Variants in VGLL2 observed in about 807,000 individuals in gnomAD.
The protein encoded by VGLL2 is vestigial like family member 2.
VGLL2 carries 18 observed loss-of-function variants against 27.0 expected under a neutral mutation model. That is an observed-to-expected ratio of 0.67 (90% CI 0.46 to 0.99). The LOEUF (loss-of-function observed/expected upper bound fraction) is 0.99, where lower values mean the gene tolerates loss of function less well. Among genes scored for constraint, VGLL2 ranks in the 50% least tolerant of loss-of-function variants. The pLI, the probability that VGLL2 is intolerant of heterozygous loss-of-function variation, is 0.00. For missense variants in VGLL2, 491 were observed against 452.3 expected (o/e 1.09, Z -0.78); for synonymous variants, 220 against 201.1 (o/e 1.09, Z -0.80).
chr6:117,265,943 G>C (rs916700916), intron 1 of VGLL2, 99 bp downstream of exon 1: 2 of 1,179,718 alleles, frequency 1.7e-6, no homozygotes, highest in African/African-American at 1.5e-5. Flanking sequence ...CGCGCGTCTC[G>C]GGCGTCCGAC....
chr6:117,267,931 T>G (rs1181539498), intron 1 of VGLL2, among the ~76,000 whole-genome samples: 2 of 152,098 alleles, frequency 1.3e-5, no homozygotes, highest in African/African-American at 4.8e-5. Flanking sequence ...TAGGAGAAAT[T>G]TTCTAGGAGT....
At chr6:117,270,475 T>A in intron 2 of VGLL2, 68 bp from the exon 3 acceptor site, 1 of 1,487,588 alleles carries the variant, frequency 6.7e-7, no homozygotes. Flanking sequence ...AGGTCGGCGC[T>A]GAGTCCAGCC....
At position 117,270,803 on chromosome 6, in the gene VGLL2, G is replaced by A; in HGVS notation, c.652G>A (p.Ala218Thr). ...CCTGGGCGGCGCCCTCGGCGCCCAG[G>A]CCGCCCCCTACCCGCGCCCCGCCGC... ...YALGGALGAQ[A>T]APYPRPAAVH... The change falls in exon 3 of 4, where the codon GCC becomes ACC. Residue 218 changes from alanine (A) to threonine (T), a missense_variant. Physicochemically the swap from Ala to Thr is moderately conservative, Grantham distance 58. Coordinates refer to ENST00000326274, the MANE Select transcript of VGLL2 (RefSeq NM_182645.3). 1 of 1,439,440 alleles carries A rather than the reference G, an allele frequency of 6.9e-7. No individual in the cohort carries two copies. The highest frequency in any genetic ancestry group is 9.1e-7 in the Non-Finnish European group (1 of 1,100,524). 89.2% of individuals were successfully genotyped at this position (1,439,440 alleles called of 1,614,324 possible).
intron 2 of VGLL2, among the ~76,000 whole-genome samples, chr6:117,270,146 G>C (rs987933801): frequency 6.6e-6 from 1 of 152,076 alleles, no homozygotes; most frequent in African/African-American, 2.4e-5. Context: ...GGCTAGGAAA[G>C]GGAGGCCGTG....
In VGLL2 at chr6:117,268,452, A is replaced by T; in HGVS notation, c.352A>T (p.Thr118Ser). The T allele has an allele frequency of 6.2e-7, 1 of 1,613,786 alleles. No individual in the cohort carries two copies. The highest frequency in any genetic ancestry group is 8.5e-7 in the Non-Finnish European group (1 of 1,179,822). Residue 118 changes from threonine (T) to serine (S), a missense_variant, in exon 2 of 4, where the codon ACC becomes TCC. Transcript: ENST00000326274. ...ACCCAGCAGCTACTCTCCTAGCTGT[A>T]CCAGCAGCAAAGCACCAAGGAGCTC... Reference protein sequence around the residue: ...SQPSSYSPSCTSSKAPRSSGP... With the variant: ...SQPSSYSPSCSSSKAPRSSGP...
intron 3 of VGLL2, 167 bp from the exon 4 acceptor site, chr6:117,272,285 CTT>C: frequency 1.0e-6 from 1 of 984,920 alleles, no homozygotes; most frequent in Non-Finnish European, 1.2e-6. Context: ...CCTCCTCTCT[CTT>C]TTATCTTCTC....
chr6:117,268,877 T>C (rs1773124745), intron 2 of VGLL2, among the ~76,000 whole-genome samples: 1 of 151,944 alleles, frequency 6.6e-6, no homozygotes, highest in Non-Finnish European at 1.5e-5. Context: ...AAATATGCCG[T>C]CAAAAACGTG....
intron 3 of VGLL2, 194 bp from the exon 4 acceptor site, chr6:117,272,244 CTCCCTCTCCCTCTCTT>C (rs1025984804): frequency 1.1e-6 from 1 of 905,876 alleles, no homozygotes; most frequent in Non-Finnish European, 1.3e-6. Flanking sequence ...TCTTCTCTCT[CTCCCTCTCCCTCTCTT>C]TCCCTCCCTC....
intron 3 of VGLL2, among the ~76,000 whole-genome samples, chr6:117,272,049 G>A (rs978121140): frequency 6.7e-6 from 1 of 148,516 alleles, no homozygotes; most frequent in Non-Finnish European, 1.5e-5. Context: ...TTCAGTCACC[G>A]CCCCCCTCCC....
In VGLL2 at chr6:117,270,696, T is replaced by A; in HGVS notation, c.545T>A (p.Leu182Gln). ...AAADPYSPAA[L>Q]HGHLHQGATE... ...GCCGACCCCTACTCGCCCGCCGCGC[T>A]GCATGGCCACCTGCACCAGGGCGCC... The change falls in exon 3 of 4, where the codon CTG becomes CAG. Residue 182 changes from leucine to glutamine, a missense_variant. Physicochemically the swap from Leu to Gln is moderately radical, Grantham distance 113. Transcript: ENST00000326274. 3.9e-6 allele frequency: 6 copies of A among 1,538,180 alleles called. No homozygotes were observed. Among genetic ancestry groups the A allele is most frequent in the Non-Finnish European group, 5.2e-6 (6 of 1,150,894 alleles).
Position 117,270,834 on chromosome 6 carries a change from A to T in VGLL2, c.683A>T (p.His228Leu). The change falls in exon 3 of 4, where the codon CAC becomes CTC. Residue 228 changes from histidine to leucine, a missense_variant. Physicochemically the swap from His to Leu is moderately conservative, Grantham distance 99. Coordinates refer to ENST00000326274, the MANE Select transcript of VGLL2 (RefSeq NM_182645.3). ...AAPYPRPAAV[H>L]EVYAPHFDPR... is the part of the protein sequence containing the mutation. Reference sequence around the variant, plus strand: ...CCCTACCCGCGCCCCGCCGCCGTGCACGAAGTCTACGCGCCGCACTTCGAC... The same window carrying T: ...CCCTACCCGCGCCCCGCCGCCGTGCTCGAAGTCTACGCGCCGCACTTCGAC... The T allele has an allele frequency of 1.4e-6, 2 of 1,428,460 alleles. No individual in the cohort carries two copies. Among genetic ancestry groups the T allele is most frequent in the Non-Finnish European group, 1.8e-6 (2 of 1,092,920 alleles). 88.5% of individuals were successfully genotyped at this position (1,428,460 alleles called of 1,614,324 possible).
At chr6:117,270,024 T>C (rs1055928453) in intron 2 of VGLL2, among the ~76,000 whole-genome samples, 4 of 151,592 alleles carry the variant, frequency 2.6e-5, no homozygotes, top group African/African-American at 9.7e-5. Flanking sequence ...CGTTAGGTGG[T>C]GGGGGGCACA....
chr6:117,270,703 C>A lies in VGLL2; in HGVS notation c.552C>A (p.Gly184=), dbSNP rs1165650491. ...ADPYSPAALH[G]HLHQGATEPW... is the part of the protein sequence containing the mutation. ...CCTACTCGCCCGCCGCGCTGCATGGCCACCTGCACCAGGGCGCCACGGAGC... is the reference window on the plus strand; with the variant it reads ...CCTACTCGCCCGCCGCGCTGCATGGACACCTGCACCAGGGCGCCACGGAGC... Residue 184 remains glycine (G), a synonymous_variant, in exon 3 of 4, where the codon GGC becomes GGA. Coordinates refer to ENST00000326274, the MANE Select transcript of VGLL2 (RefSeq NM_182645.3). The A allele has an allele frequency of 3.3e-6, 5 of 1,533,826 alleles. No individual in the cohort carries two copies. Among genetic ancestry groups the A allele is most frequent in the South Asian group, 1.2e-5 (1 of 83,992 alleles).
In VGLL2 at chr6:117,270,962, G is replaced by A. The variant is rs1266360559; in HGVS notation, c.811G>A (p.Gly271Ser). ...APGSPPCELS[G>S]KGEPAGAAWA... ...CGGCAGTCCTCCCTGCGAGCTCTCCGGCAAAGGCGAGCCGGCGGGCGCCGC... is the reference window on the plus strand; with the variant it reads ...CGGCAGTCCTCCCTGCGAGCTCTCCAGCAAAGGCGAGCCGGCGGGCGCCGC... The change falls in exon 3 of 4, where the codon GGC becomes AGC. Residue 271 changes from glycine to serine, a missense_variant. Physicochemically the swap from Gly to Ser is moderately conservative, Grantham distance 56. Transcript: ENST00000326274. The A allele has an allele frequency of 2.4e-6, 3 of 1,232,286 alleles. No individual in the cohort carries two copies. The highest frequency in any genetic ancestry group is 3.1e-5 in the African/African-American group (2 of 63,644). The allele number at this position is 1,232,286 out of a possible 1,614,324, so 76.3% of individuals were successfully genotyped here. A position where few individuals can be genotyped will look rare whatever the true frequency, so the allele number is the denominator to read the frequency against.
Position 117,272,576 on chromosome 6 carries a change from T to G in VGLL2, c.*82T>G. 6.2e-7 allele frequency: 1 copy of G among 1,602,600 alleles called. No individual in the cohort carries two copies. The highest frequency in any genetic ancestry group is 1.1e-5 in the South Asian group (1 of 90,146). On this transcript the variant is annotated 3_prime_UTR_variant, in exon 4 of 4. Coordinates refer to ENST00000326274, the MANE Select transcript of VGLL2 (RefSeq NM_182645.3). ...GCATCTGTGCCTCTCACTCCGTGGA[T>G]GAGGACATGGGGGAAGGCAGAGACT...
At chr6:117,269,668 ATCTG>A (rs1458096965) in intron 2 of VGLL2, among the ~76,000 whole-genome samples, 1 of 152,204 alleles carries the variant, frequency 6.6e-6, no homozygotes, top group Non-Finnish European at 1.5e-5. Flanking sequence ...TGAATTAAAT[ATCTG>A]TCTTTCTCTC....
At chr6:117,269,192 C>A (rs776907864) in intron 2 of VGLL2, among the ~76,000 whole-genome samples, 7 of 152,200 alleles carry the variant, frequency 4.6e-5, no homozygotes, top group African/African-American at 1.7e-4. Flanking sequence ...CCTTCCCCCA[C>A]AAAGCACTGC....
At position 117,270,601 on chromosome 6, in the gene VGLL2, C is replaced by G. The variant is rs1221078089; in HGVS notation, c.450C>G (p.Tyr150Ter). The change falls in exon 3 of 4, where the codon TAC becomes TAG. Residue 150 changes from tyrosine (Y) to a stop codon, truncating the protein, a stop_gained. Coordinates refer to ENST00000326274, the MANE Select transcript of VGLL2 (RefSeq NM_182645.3). LOFTEE classifies it high-confidence loss of function. Reference protein sequence around the residue: ...SFPASFWNSAYQAPVPPPLGS... With the variant: ...SFPASFWNSA ...CCGCCTCCTTCTGGAATAGCGCGTA[C>G]CAGGCGCCAGTGCCCCCGCCGCTGG... 2 of 1,583,472 alleles carry G rather than the reference C, an allele frequency of 1.3e-6. No individual in the cohort carries two copies. Among genetic ancestry groups the G allele is most frequent in the African/African-American group, 1.4e-5 (1 of 73,306 alleles).
At chr6:117,269,306 G>A (rs1562231199) in intron 2 of VGLL2, among the ~76,000 whole-genome samples, 1 of 152,080 alleles carries the variant, frequency 6.6e-6, no homozygotes, top group African/African-American at 2.4e-5. Context: ...AAAGGTGGGG[G>A]AACCATTAAG....
Sources: gnomAD v4.1 joint callset for allele counts (sites outside exome capture counted in the v4.1 genomes callset) on GRCh38, gnomAD v4.1.1 for gene constraint, MANE v1.5 for transcripts, NCBI Gene and HGNC (gene_info 2026-07-23, HGNC 2026-07-21) for gene names.